Variants in HECW2 observed in about 807,000 individuals in gnomAD.
HECW2 encodes the protein E3 ubiquitin-protein ligase HECW2.
Under a neutral mutation model 175.2 loss-of-function variants are expected in HECW2, and 61 were observed. The observed-to-expected ratio is 0.35, with a 90% CI of 0.28 to 0.43. The LOEUF (loss-of-function observed/expected upper bound fraction) is 0.43, where lower values mean the gene tolerates loss of function less well. Among genes scored for constraint, HECW2 ranks in the 20% least tolerant of loss-of-function variants. HECW2 has a pLI of 1.00. For synonymous variants in HECW2, 671 were observed against 731.0 expected (o/e 0.92, Z 1.32); for missense variants, 1,524 against 2,000.5 (o/e 0.76, Z 4.54).
chr2:196,559,094 GAACT>G (rs766793739), intron 1 of HECW2, among the ~76,000 whole-genome samples: 45 of 152,122 alleles, frequency 3.0e-4, no homozygotes, highest in Non-Finnish European at 5.9e-4. Context: ...CTAGGTTGCA[GAACT>G]AATAAGCAGG....
chr2:196,233,889 T>G (rs1688145378), intron 21 of HECW2, among the ~76,000 whole-genome samples: 1 of 152,202 alleles, frequency 6.6e-6, no homozygotes, highest in Non-Finnish European at 1.5e-5. Context: ...TTGGTTACTT[T>G]ATAAGCAGAG....
chr2:196,375,423 T>C (rs1048056099), intron 2 of HECW2, among the ~76,000 whole-genome samples: 1 of 152,254 alleles, frequency 6.6e-6, no homozygotes, highest in Non-Finnish European at 1.5e-5. Context: ...TGAGCATTCA[T>C]GATCACAGAT....
chr2:196,292,598 C>T lies in HECW2; in HGVS notation c.2967G>A (p.Arg989=). The T allele has an allele frequency of 1.2e-6, 2 of 1,613,936 alleles. No individual in the cohort carries two copies. The highest frequency in any genetic ancestry group is 1.3e-5 in the African/African-American group (1 of 75,048). ...MFANKQLELP[R]GWEMKHDHQG... ...GGTGATCATGTTTCATTTCCCATCC[C>T]CGCGGCAGCTCTAGCTGTTTGTTCG... The change falls in exon 14 of 29, where the codon CGG becomes CGA. Residue 989 remains arginine (R), a synonymous_variant. Coordinates refer to ENST00000644978, the MANE Select transcript of HECW2 (RefSeq NM_001348768.2).
chr2:196,220,962 G>A lies in HECW2; in HGVS notation c.4147-21C>T, dbSNP rs769289781. On this transcript the variant is annotated intron_variant, in intron 24 of 28. Transcript: ENST00000644978. ...GTTATCTGAGATTACAAAATAAAAA[G>A]AATGACTACAAAGCAATACTCTTAA... is the stretch of plus-strand genomic sequence containing the variant. 6.8e-6 allele frequency: 11 copies of A among 1,612,236 alleles called. No homozygotes were observed. In the African/African-American group the frequency reaches 1.5e-4, roughly 22 times the overall value.
chr2:196,392,651 C>G (rs1008877813), intron 2 of HECW2, among the ~76,000 whole-genome samples: 1 of 152,006 alleles, frequency 6.6e-6, no homozygotes, highest in Non-Finnish European at 1.5e-5. Flanking sequence ...ATGCCAAATG[C>G]CACCACCATG....
chr2:196,487,356 A>G (rs1687044767), intron 1 of HECW2, among the ~76,000 whole-genome samples: 1 of 152,106 alleles, frequency 6.6e-6, no homozygotes, highest in Non-Finnish European at 1.5e-5. Flanking sequence ...ATAAACTTCT[A>G]TTATTGCCCA....
chr2:196,282,816 T>C (rs1690236553), intron 14 of HECW2, among the ~76,000 whole-genome samples: 2 of 152,150 alleles, frequency 1.3e-5, no homozygotes, highest in Admixed American at 6.5e-5. Flanking sequence ...CTGCAAGGCA[T>C]ATCCAACCCC....
intron 1 of HECW2, among the ~76,000 whole-genome samples, chr2:196,553,660 G>A (rs565378446): frequency 2.0e-5 from 3 of 152,312 alleles, no homozygotes; most frequent in African/African-American, 7.2e-5. Context: ...TGGTCTAGGA[G>A]ACATCTGCAT....
chr2:196,440,644 G>C (rs13393416), intron 1 of HECW2, among the ~76,000 whole-genome samples: 90,685 of 152,062 alleles, frequency 0.6, 29,726 homozygotes, highest in East Asian at 0.91. Flanking sequence ...CTCTCAATTT[G>C]CTTCTTGATT....
At chr2:196,233,571 A>G (rs1191158994) in intron 21 of HECW2, among the ~76,000 whole-genome samples, 1 of 152,188 alleles carries the variant, frequency 6.6e-6, no homozygotes, top group East Asian at 1.9e-4. Context: ...TCACCCTCAG[A>G]TATTTATAGC....
At chr2:196,520,318 G>C (rs1332323856) in intron 1 of HECW2, among the ~76,000 whole-genome samples, 1 of 151,436 alleles carries the variant, frequency 6.6e-6, no homozygotes, top group Non-Finnish European at 1.5e-5. Context: ...ATTAAGGCTG[G>C]CATCTTAGGC....
At chr2:196,488,160 A>G (rs16852469) in intron 1 of HECW2, among the ~76,000 whole-genome samples, 13,264 of 152,236 alleles carry the variant, frequency 0.087, 731 homozygotes, top group South Asian at 0.15. Context: ...TCAGCTTGCT[A>G]ATATTCTCCA....
At chr2:196,210,604 G>T (rs1307302537) in intron 28 of HECW2, among the ~76,000 whole-genome samples, 3 of 151,548 alleles carry the variant, frequency 2.0e-5, no homozygotes, top group Admixed American at 1.3e-4. Context: ...TTATAAATTA[G>T]AATAAAAAGC....
rs1482819651 is a variant in HECW2, at chr2:196,401,885, C to A, written c.292+31247G>T. 3.3e-5 allele frequency among the ~76,000 whole-genome samples: 5 copies of A among 152,102 alleles called. No homozygotes were observed. In the East Asian group the frequency reaches 9.7e-4, roughly 29 times the overall value. On this transcript the variant is annotated intron_variant, in intron 2 of 28. Coordinates refer to ENST00000644978, the MANE Select transcript of HECW2 (RefSeq NM_001348768.2). Reference sequence around the variant, plus strand: ...ACTATGTTCTCAAATGGAGAGGGTACCAAAAATAACTAGGCGTCATAAGAA... The same window carrying A: ...ACTATGTTCTCAAATGGAGAGGGTAACAAAAATAACTAGGCGTCATAAGAA...
intron 1 of HECW2, among the ~76,000 whole-genome samples, chr2:196,463,362 C>G (rs1171918623): frequency 6.8e-6 from 1 of 147,258 alleles, no homozygotes; most frequent in African/African-American, 2.5e-5. Flanking sequence ...AGATTCGTCA[C>G]GCAAGTCAGG....
At chr2:196,221,519 T>C (rs1314384285) in intron 24 of HECW2, among the ~76,000 whole-genome samples, 1 of 152,224 alleles carries the variant, frequency 6.6e-6, no homozygotes, top group Non-Finnish European at 1.5e-5. Context: ...ACATTGTTTA[T>C]GTTCCCTTAG....
chr2:196,227,378 T>C (rs1243548243), intron 22 of HECW2, among the ~76,000 whole-genome samples: 1 of 152,160 alleles, frequency 6.6e-6, no homozygotes, highest in Non-Finnish European at 1.5e-5. Context: ...TGTAAGGACA[T>C]TTGGAAAGAG....
rs568370540 is a variant in HECW2 at position 196,275,544 on chromosome 2, C to G, written c.3136-1421G>C. 1.8e-4 allele frequency among the ~76,000 whole-genome samples: 27 copies of G among 152,166 alleles called. No homozygotes were observed. The East Asian group carries it at 1.9e-3, about 11-fold the overall frequency. ...CAAGGCGGGCGGATTACAAGGTCAA[C>G]AGATCGAGACCATCCTGGCCAACAT... is the stretch of plus-strand genomic sequence containing the variant. On this transcript the variant is annotated intron_variant, in intron 15 of 28. Coordinates refer to ENST00000644978, the MANE Select transcript of HECW2 (RefSeq NM_001348768.2).
At chr2:196,323,919 G>GTTTTTTTTTT (rs1294087624) in intron 6 of HECW2, among the ~76,000 whole-genome samples, 1 of 37,624 alleles carries the variant, frequency 2.7e-5, no homozygotes, top group Non-Finnish European at 6.6e-5. Flanking sequence ...TTTTTTGTTT[G>GTTTTTTTTTT]TTTTTTTTTT....
Sources: allele counts gnomAD v4.1 joint callset (sites outside exome capture counted in the v4.1 genomes callset), GRCh38; gene constraint gnomAD v4.1.1; transcripts MANE v1.5; gene names NCBI Gene and HGNC (gene_info 2026-07-23, HGNC 2026-07-21).